Variants in SLC7A5 observed in about 807,000 individuals in gnomAD.
SLC7A5 encodes the protein large neutral amino acids transporter small subunit 1.
SLC7A5 carries 23 observed loss-of-function variants against 50.2 expected under a neutral mutation model. The observed-to-expected ratio is 0.46, with a 90% CI of 0.33 to 0.65. The LOEUF is 0.65. Ranked by LOEUF, SLC7A5 falls within the 30% of genes least tolerant of loss-of-function variation. The pLI is 0.02. For synonymous variants in SLC7A5, 393 were observed against 330.6 expected (o/e 1.19, Z -2.05); for missense variants, 578 against 684.4 (o/e 0.84, Z 1.73).
chr16:87,860,414 A>G lies in SLC7A5; in HGVS notation c.538+8471T>C, dbSNP rs1331160010. On this transcript the variant is annotated intron_variant, in intron 1 of 9. Coordinates refer to ENST00000261622, the MANE Select transcript of SLC7A5 (RefSeq NM_003486.7). The surrounding 1 kb of genome is among the most constrained non-coding windows in gnomAD (Gnocchi z 4.8). ...CACACACACACATATATATATAAAGAAAAAGGAAATCTTCGAACCCACCTG... is the reference window on the plus strand; with the variant it reads ...CACACACACACATATATATATAAAGGAAAAGGAAATCTTCGAACCCACCTG... Among the ~76,000 whole-genome samples, 2 of 150,310 alleles carry G rather than the reference A, an allele frequency of 1.3e-5. No individual in the cohort carries two copies. The highest frequency in any genetic ancestry group is 2.9e-5 in the Non-Finnish European group (2 of 67,804).
At chr16:87,849,112 G>A (rs1024976031) in intron 2 of SLC7A5, among the ~76,000 whole-genome samples, 4 of 152,234 alleles carry the variant, frequency 2.6e-5, no homozygotes, top group Non-Finnish European at 5.9e-5. Flanking sequence ...ACCCGGAAAG[G>A]GCCACTTGCC....
rs952033918 is a variant in SLC7A5 at position 87,852,145 on chromosome 16, G to T, written c.539-296C>A. ...ACCAGGCCATGGAGTCCCACCTGTA[G>T]TCAGGACTTCAAGTGGGGTCACTGC... On this transcript the variant is annotated intron_variant, in intron 1 of 9. Transcript: ENST00000261622. This position sits in a 1 kb window ranked among gnomAD's most constrained non-coding sequence, Gnocchi z 4.5. 6.6e-5 allele frequency among the ~76,000 whole-genome samples: 10 copies of T among 152,174 alleles called. No homozygotes were observed. The highest frequency in any genetic ancestry group is 2.4e-4 in the African/African-American group (10 of 41,444).
intron 2 of SLC7A5, among the ~76,000 whole-genome samples, chr16:87,848,792 T>C (rs1342468348): frequency 6.6e-6 from 1 of 152,150 alleles, no homozygotes; most frequent in African/African-American, 2.4e-5. Context: ...CCCCATGAGC[T>C]CTGGATGCGG....
chr16:87,866,954 G>C (rs1191175412), intron 1 of SLC7A5, among the ~76,000 whole-genome samples: 1 of 150,330 alleles, frequency 6.7e-6, no homozygotes, highest in Non-Finnish European at 1.5e-5. Context: ...TTTTTTTTGA[G>C]ACAGGCTTGC....
chr16:87,834,434 T>C lies in SLC7A5; in HGVS notation c.1448A>G (p.Lys483Arg). ...FFGVWWKNKP[K>R]WLLQGIFSTT... ...CTCACAGATGCCCTGGAGGAGCCAC[T>C]TGGGCTTGTTTTTCCACCAGACCCC... The change falls in exon 9 of 10, where the codon AAG becomes AGG. Residue 483 changes from lysine (K) to arginine (R), a missense_variant. Around this residue, in one of 2 missense-constraint regions of SLC7A5, gnomAD observed 465 missense variants for 594.6 expected, o/e 0.78. Transcript: ENST00000261622. 2 of 1,556,356 alleles carry C rather than the reference T, an allele frequency of 1.3e-6. No individual in the cohort carries two copies. The highest frequency in any genetic ancestry group is 1.7e-6 in the Non-Finnish European group (2 of 1,149,602).
At chr16:87,854,447 C>T (rs932494186) in intron 1 of SLC7A5, among the ~76,000 whole-genome samples, 3 of 152,204 alleles carry the variant, frequency 2.0e-5, no homozygotes, top group Non-Finnish European at 4.4e-5. Flanking sequence ...CAGTACCTTT[C>T]GACCTTAAGG....
At chr16:87,857,932 C>T (rs2055341643) in intron 1 of SLC7A5, among the ~76,000 whole-genome samples, 1 of 152,176 alleles carries the variant, frequency 6.6e-6, no homozygotes, top group Non-Finnish European at 1.5e-5. Context: ...TTTAAACAGG[C>T]CAGGAAGATG....
chr16:87,840,792 C>T (rs938620041), intron 3 of SLC7A5, among the ~76,000 whole-genome samples: 1 of 152,238 alleles, frequency 6.6e-6, no homozygotes, highest in African/African-American at 2.4e-5. Flanking sequence ...CAGCCGCCTC[C>T]ACCTGCCACC....
intron 2 of SLC7A5, among the ~76,000 whole-genome samples, chr16:87,850,166 C>G (rs373494980): frequency 6.6e-6 from 1 of 152,192 alleles, no homozygotes; most frequent in Non-Finnish European, 1.5e-5. Context: ...GCGCCAGGAG[C>G]AAGGCGGAGG....
chr16:87,834,614 G>T, intron 8 of SLC7A5, 23 bp from the exon 9 acceptor site: 2 of 1,568,934 alleles, frequency 1.3e-6, no homozygotes, highest in East Asian at 2.3e-5. Context: ...ACAGGGCCTG[G>T]GTGAGCCCTC....
intron 1 of SLC7A5, among the ~76,000 whole-genome samples, chr16:87,859,729 A>C (rs1372216030): frequency 1.3e-5 from 2 of 151,766 alleles, no homozygotes; most frequent in African/African-American, 2.4e-5. Flanking sequence ...TCACGAGGTC[A>C]GGAGTTCGAG....
Position 87,862,724 on chromosome 16 carries a change from C to T in SLC7A5, c.538+6161G>A, listed in dbSNP as rs1297250137. On this transcript the variant is annotated intron_variant, in intron 1 of 9. Coordinates refer to ENST00000261622, the MANE Select transcript of SLC7A5 (RefSeq NM_003486.7). This position sits in a 1 kb window ranked among gnomAD's most constrained non-coding sequence, Gnocchi z 5.3. Reference sequence around the variant, plus strand: ...CACGCAGAGGCCTGGGATTCCCAGACACCTGGCGCTGGGGCCAATCCCATT... The same window carrying T: ...CACGCAGAGGCCTGGGATTCCCAGATACCTGGCGCTGGGGCCAATCCCATT... Among the ~76,000 whole-genome samples, 1 of 152,274 alleles carries T rather than the reference C, an allele frequency of 6.6e-6. No homozygotes were observed. Among genetic ancestry groups the T allele is most frequent in the African/African-American group, 2.4e-5 (1 of 41,462 alleles).
rs1225021149 is a variant in SLC7A5, at chr16:87,861,456, T to C, written c.538+7429A>G. On this transcript the variant is annotated intron_variant, in intron 1 of 9. Coordinates refer to ENST00000261622, the MANE Select transcript of SLC7A5 (RefSeq NM_003486.7). This position sits in a 1 kb window ranked among gnomAD's most constrained non-coding sequence, Gnocchi z 4.2. ...GCCTGATGACAAATGGTGGCCTCAG[T>C]GTAGAGGTGGGCACTGTGGCCCCTG... 6.6e-6 allele frequency among the ~76,000 whole-genome samples: 1 copy of C among 152,110 alleles called. No individual in the cohort carries two copies. The highest frequency in any genetic ancestry group is 1.5e-5 in the Non-Finnish European group (1 of 68,008).
rs1293213883 is a variant in SLC7A5 at position 87,868,940 on chromosome 16, G to A, written c.483C>T (p.Phe161=). ...CCTCCTCGGGCACCGGGCAGGTGGG[G>A]AAGAGCGGCTTGAGCAGGTAGGTGG... ...VFATYLLKPL[F]PTCPVPEEAA... is the part of the protein sequence containing the mutation. Residue 161 remains phenylalanine, a synonymous_variant, in exon 1 of 10, where the codon TTC becomes TTT. Transcript: ENST00000261622. 22 of 1,610,600 alleles carry A rather than the reference G, an allele frequency of 1.4e-5. No individual in the cohort carries two copies. In the Admixed American group the frequency reaches 3.2e-4, roughly 23 times the overall value.
rs1057413344 is a variant in SLC7A5, at chr16:87,869,465, C to T, written c.-43G>A. 4 of 1,302,420 alleles carry T rather than the reference C, an allele frequency of 3.1e-6. No individual in the cohort carries two copies. Among genetic ancestry groups the T allele is most frequent in the Non-Finnish European group, 3.9e-6 (4 of 1,031,602 alleles). The allele number at this position is 1,302,420 out of a possible 1,614,324, so 80.7% of individuals were successfully genotyped here. A position where few individuals can be genotyped will look rare whatever the true frequency, so the allele number is the denominator to read the frequency against. ...GGCCTGGGACACCCGGGAGCCGCGGCCCAGCGAGCAGTGTGCGCGCCGCCC... is the reference window on the plus strand; with the variant it reads ...GGCCTGGGACACCCGGGAGCCGCGGTCCAGCGAGCAGTGTGCGCGCCGCCC... On this transcript the variant is annotated 5_prime_UTR_variant, in exon 1 of 10. Coordinates refer to ENST00000261622, the MANE Select transcript of SLC7A5 (RefSeq NM_003486.7).
chr16:87,845,705 G>A (rs1002181637), intron 2 of SLC7A5, among the ~76,000 whole-genome samples: 1 of 152,228 alleles, frequency 6.6e-6, no homozygotes, highest in Non-Finnish European at 1.5e-5. Context: ...GTCGGTCTTG[G>A]AAACTCATGA....
At chr16:87,837,479 C>T (rs1023515135) in intron 7 of SLC7A5, 21 of 280,454 alleles carry the variant, frequency 7.5e-5, no homozygotes, top group Non-Finnish European at 1.4e-4. Context: ...CGGGCTGGCA[C>T]GGAAAGATGC....
intron 2 of SLC7A5, among the ~76,000 whole-genome samples, chr16:87,844,108 A>G (rs548954359): frequency 1.3e-5 from 2 of 150,660 alleles, no homozygotes; most frequent in Admixed American, 6.6e-5. Flanking sequence ...CCGTGGACAG[A>G]CGGTGACATC....
chr16:87,852,557 T>C lies in SLC7A5; in HGVS notation c.539-708A>G, dbSNP rs4843271. Among the ~76,000 whole-genome samples the C allele has an allele frequency of 0.43, 65,668 of 151,654 alleles. 17,796 individuals carry two copies. Among genetic ancestry groups the C allele is most frequent in the African/African-American group, 0.76 (31,477 of 41,298 alleles). On this transcript the variant is annotated intron_variant, in intron 1 of 9. Transcript: ENST00000261622. The surrounding 1 kb of genome is among the most constrained non-coding windows in gnomAD (Gnocchi z 4.5). Reference sequence around the variant, plus strand: ...ACGCCTGCCCCAGGAGGCGCTGAGATGTGGGGTCAGGCACGCTCAGACAGG... The same window carrying C: ...ACGCCTGCCCCAGGAGGCGCTGAGACGTGGGGTCAGGCACGCTCAGACAGG...
Sources: gnomAD v4.1 joint callset for allele counts (sites outside exome capture counted in the v4.1 genomes callset) on GRCh38, gnomAD v4.1.1 for gene constraint, gnomAD v4.1.1 regional missense constraint, Gnocchi (gnomAD v3.1) non-coding constraint, MANE v1.5 for transcripts, NCBI Gene and HGNC (gene_info 2026-07-23, HGNC 2026-07-21) for gene names.